The following C12orf42 variants were observed in gnomAD, a reference collection of about 807,000 sequenced individuals.
The protein encoded by C12orf42 is uncharacterized protein C12orf42.
Under a neutral mutation model 21.6 loss-of-function variants are expected in C12orf42, and 25 were observed. The ratio of observed to expected loss-of-function variants is 1.16; its 90% CI spans 0.84 to 1.62. The LOEUF is 1.62. Ranked by LOEUF, C12orf42 falls within the 40% of genes most tolerant of loss-of-function variation. C12orf42 has a pLI of 0.00. For missense variants in C12orf42, 483 were observed against 459.3 expected (o/e 1.05, Z -0.47); for synonymous variants, 174 against 175.0 (o/e 0.99, Z 0.05).
chr12:103,102,551 A>T, the C12orf42 span, among the ~76,000 whole-genome samples: 1 of 152,276 alleles, frequency 6.6e-6, no homozygotes, highest in South Asian at 2.1e-4. Context: ...TCCCTTCCTC[A>T]TCGCTCTTCA....
chr12:103,218,279 C>CAAA, the C12orf42 span, among the ~76,000 whole-genome samples: 25 of 93,164 alleles, frequency 2.7e-4, no homozygotes, highest in East Asian at 2.3e-3. Context: ...AACTCCGCTT[C>CAAA]AAAAAAAAAA....
intron 1 of C12orf42, among the ~76,000 whole-genome samples, chr12:103,490,814 T>C (rs1955138644): frequency 6.6e-6 from 1 of 151,954 alleles, no homozygotes; most frequent in Non-Finnish European, 1.5e-5. Flanking sequence ...ATACATTTGG[T>C]ATTTAATAGA....
intron 2 of C12orf42, among the ~76,000 whole-genome samples, chr12:103,435,627 G>A (rs934854360): frequency 6.6e-5 from 10 of 152,146 alleles, no homozygotes; most frequent in Middle Eastern, 3.4e-3. Flanking sequence ...GAGCCGATGC[G>A]ATCAACTGGA....
rs552971951 is a variant in C12orf42 at position 103,495,964 on chromosome 12, A to T, written c.-84T>A. On this transcript the variant is annotated 5_prime_UTR_variant, in exon 1 of 6. Transcript: ENST00000548883. ...CAGCCTCCTCCGCGGGAGCTGGAGC[A>T]CTCTGCTGGGTCCTGGGGACGCGGC... 3 of 152,110 alleles carry T rather than the reference A, an allele frequency of 2.0e-5. No homozygotes were observed. Among genetic ancestry groups the T allele is most frequent in the Non-Finnish European group, 4.4e-5 (3 of 68,088 alleles). The allele number at this position is 152,110 out of a possible 1,614,324, so 9.4% of individuals were successfully genotyped here. A position where few individuals can be genotyped will look rare whatever the true frequency, so the allele number is the denominator to read the frequency against.
the C12orf42 span, among the ~76,000 whole-genome samples, chr12:103,517,763 C>G: frequency 5.3e-5 from 8 of 152,178 alleles, no homozygotes; most frequent in South Asian, 1.7e-3. Context: ...CCTCCCATCT[C>G]CAGCATTTAG....
chr12:103,408,252 A>AT (rs529760448), intron 2 of C12orf42, among the ~76,000 whole-genome samples: 98 of 152,312 alleles, frequency 6.4e-4, no homozygotes, highest in South Asian at 1.2e-3. Flanking sequence ...AGTACACACC[A>AT]TTTTTAGGAA....
chr12:103,084,192 T>A, the C12orf42 span, among the ~76,000 whole-genome samples: 8 of 152,334 alleles, frequency 5.3e-5, no homozygotes, highest in African/African-American at 1.9e-4. Context: ...ATTGCTCCTA[T>A]CTGTTCAATT....
At chr12:103,429,204 G>T (rs1950080491) in intron 2 of C12orf42, among the ~76,000 whole-genome samples, 2 of 152,306 alleles carry the variant, frequency 1.3e-5, no homozygotes, top group Middle Eastern at 3.4e-3. Context: ...TGACATGATT[G>T]TATGTTTAGA....
chr12:103,112,447 G>A, the C12orf42 span, among the ~76,000 whole-genome samples: 1 of 152,082 alleles, frequency 6.6e-6, no homozygotes, highest in African/African-American at 2.4e-5. Context: ...ATCACCTGAG[G>A]TCAGGAGTTC....
chr12:103,250,640 A>C (rs889625867), intron 10 of C12orf42, among the ~76,000 whole-genome samples: 1 of 152,118 alleles, frequency 6.6e-6, no homozygotes, highest in Admixed American at 6.6e-5. Flanking sequence ...ATCTTCAAGA[A>C]ATGTTAGGTG....
At chr12:103,294,533 GCAA>G (rs1350889523) in intron 4 of C12orf42, among the ~76,000 whole-genome samples, 1 of 130,062 alleles carries the variant, frequency 7.7e-6, no homozygotes, top group Non-Finnish European at 1.6e-5. Context: ...AAAGAAAGAA[GCAA>G]GCAAGCAAGA....
At chr12:103,168,195 ACCAATCCAT>A in the C12orf42 span, 59,450 of 418,516 alleles carry the variant, frequency 0.14, 5,860 homozygotes, top group East Asian at 0.46. Context: ...TTCTGCTTAC[ACCAATCCAT>A]CCAACCATAC....
chr12:103,297,201 T>C (rs2037349962), downstream of C12orf42, among the ~76,000 whole-genome samples: 1 of 152,198 alleles, frequency 6.6e-6, no homozygotes, highest in Admixed American at 6.5e-5. Context: ...AGGGCTCTGT[T>C]CTGTTCCATT....
the C12orf42 span, among the ~76,000 whole-genome samples, chr12:103,122,651 G>C: frequency 6.6e-6 from 1 of 152,194 alleles, no homozygotes; most frequent in Non-Finnish European, 1.5e-5. Context: ...ATTTTGGGCA[G>C]GAGAAATGTG....
the C12orf42 span, among the ~76,000 whole-genome samples, chr12:103,167,808 G>A: frequency 2.0e-5 from 3 of 151,704 alleles, no homozygotes; most frequent in African/African-American, 7.3e-5. Flanking sequence ...AAAAAAATGC[G>A]CTTTAAATGG....
the C12orf42 span, among the ~76,000 whole-genome samples, chr12:103,105,073 A>G: frequency 6.6e-6 from 1 of 152,224 alleles, no homozygotes; most frequent in Non-Finnish European, 1.5e-5. Context: ...GATTTGTCTT[A>G]TACAGAAATC....
In C12orf42 at chr12:103,322,801, G is replaced by A. The variant is rs114293580; in HGVS notation, c.260-16456C>T. On this transcript the variant is annotated intron_variant, in intron 4 of 5. Transcript: ENST00000548883. ...TCTGTTATTTCTCTTAAAAAAATGG[G>A]ATGCTTATGAAAAAGATACTTTGAT... Among the ~76,000 whole-genome samples, 1,300 of 152,234 alleles carry A rather than the reference G, an allele frequency of 8.5e-3. 10 individuals are homozygous for A. The highest frequency in any genetic ancestry group is 0.03 in the African/African-American group (1,235 of 41,522).
intron 4 of C12orf42, among the ~76,000 whole-genome samples, chr12:103,290,567 G>A (rs1045026853): frequency 6.6e-6 from 1 of 152,168 alleles, no homozygotes; most frequent in African/African-American, 2.4e-5. Context: ...GTGTGGGAAG[G>A]AAGGAACTAA....
chr12:103,480,575 C>A (rs539431031), intron 1 of C12orf42, among the ~76,000 whole-genome samples: 1 of 151,560 alleles, frequency 6.6e-6, no homozygotes, highest in South Asian at 2.1e-4. Flanking sequence ...AGTGTATTTT[C>A]TTCTAATACT....
Sources: gnomAD v4.1 joint callset for allele counts (sites outside exome capture counted in the v4.1 genomes callset) on GRCh38, gnomAD v4.1.1 for gene constraint, MANE v1.5 for transcripts, NCBI Gene and HGNC (gene_info 2026-07-23, HGNC 2026-07-21) for gene names.